Variants in TBC1D24 observed in about 807,000 individuals in gnomAD.
TBC1D24 encodes the protein Infantile myoclonic epilepsy.
In TBC1D24, 47 loss-of-function variants were observed where a neutral mutation model predicts 50.7. That is an observed-to-expected ratio of 0.93 (90% CI 0.73 to 1.18). The LOEUF is 1.18. TBC1D24 is among the 50% of genes most tolerant of loss of function. The pLI is 0.00. For synonymous variants in TBC1D24, 324 were observed against 335.2 expected (o/e 0.97, Z 0.36); for missense variants, 688 against 766.5 (o/e 0.90, Z 1.21).
At position 2,497,734 on chromosome 16, in the gene TBC1D24, C is replaced by T. The variant is rs778459711; in HGVS notation, c.983+7C>T. 15 of 1,535,968 alleles carry T rather than the reference C, an allele frequency of 9.8e-6. No homozygotes were observed. The Admixed American group carries it at 2.7e-4, about 28-fold the overall frequency. ...GTGTGTCACTTTCTAAAAGGTAGGT[C>T]TGAAACTGTATCTGCACACCTGGCC... On this transcript the variant is annotated splice_region_variant and intron_variant, in intron 3 of 7. Transcript: ENST00000646147.
Position 2,497,080 on chromosome 16 carries a change from T to G in TBC1D24, c.932T>G (p.Leu311Arg). ...CTGCAGATGGCCAATGAGAAAGCCC[T>G]GAAGCAGAAGGGCATCACCGTGAAG... ...QLLQMANEKA[L>R]KQKGITVKQK... is the part of the protein sequence containing the mutation. The change falls in exon 2 of 8, where the codon CTG becomes CGG. Residue 311 changes from leucine (L) to arginine (R), a missense_variant. Coordinates refer to ENST00000646147, the MANE Select transcript of TBC1D24 (RefSeq NM_001199107.2). 6.2e-7 allele frequency: 1 copy of G among 1,608,796 alleles called. No individual in the cohort carries two copies. Among genetic ancestry groups the G allele is most frequent in the Admixed American group, 1.7e-5 (1 of 60,020 alleles).
chr16:2,501,016 G>A lies in TBC1D24; in HGVS notation c.*58G>A, dbSNP rs540798537. 99 of 1,594,578 alleles carry A rather than the reference G, an allele frequency of 6.2e-5. No individual in the cohort carries two copies. The South Asian group carries it at 8.4e-4, about 14-fold the overall frequency. ...GGCGGTGGGCCGAGGCTGGGCTGCC[G>A]CCTCGGGCAGCAGAGAGCAGATGAA... On this transcript the variant is annotated 3_prime_UTR_variant, in exon 8 of 8. Transcript: ENST00000646147.
chr16:2,501,074 CAGGA>C lies in TBC1D24; in HGVS notation c.*117_*120del. The C allele has an allele frequency of 1.4e-6, 2 of 1,394,960 alleles. No individual in the cohort carries two copies. The highest frequency in any genetic ancestry group is 2.0e-6 in the Non-Finnish European group (2 of 1,022,848). The allele number at this position is 1,394,960 out of a possible 1,614,324, so 86.4% of individuals were successfully genotyped here. ...TGTGGTAGGCAGGGTTGGGGGACGG[CAGGA>C]CCCCATGGCCAAGCCTGGCGTTGCC... On this transcript the variant is annotated 3_prime_UTR_variant, in exon 8 of 8. Transcript: ENST00000646147.
rs372876116 is a variant in TBC1D24, at chr16:2,499,817, C to T, written c.1207-18C>T. The T allele has an allele frequency of 3.7e-6, 6 of 1,610,858 alleles. No individual in the cohort carries two copies. Among genetic ancestry groups the T allele is most frequent in the South Asian group, 1.1e-5 (1 of 91,036 alleles). Reference sequence around the variant, plus strand: ...CTGGGGGCCTGCGGGCACAGCCTCACCCAGACCTTTCCCCCAGGTGTGTGG... The same window carrying T: ...CTGGGGGCCTGCGGGCACAGCCTCATCCAGACCTTTCCCCCAGGTGTGTGG... On this transcript the variant is annotated intron_variant, in intron 5 of 7. Coordinates refer to ENST00000646147, the MANE Select transcript of TBC1D24 (RefSeq NM_001199107.2). The surrounding 1 kb of genome is among the most constrained non-coding windows in gnomAD (Gnocchi z 4.0).
chr16:2,497,225 C>T lies in TBC1D24; in HGVS notation c.965+112C>T, dbSNP rs972547020. ...CCAGGCGGCCTCTGCCCATGGTCCA[C>T]CCAGCCATCTGTGCATGGCTGAAAA... On this transcript the variant is annotated intron_variant, in intron 2 of 7. Transcript: ENST00000646147. 2.5e-5 allele frequency: 35 copies of T among 1,412,194 alleles called. No individual in the cohort carries two copies. In the South Asian group the frequency reaches 3.2e-4, roughly 13 times the overall value. 87.5% of individuals were successfully genotyped at this position (1,412,194 alleles called of 1,614,324 possible). A position where few individuals can be genotyped will look rare whatever the true frequency, so the allele number is the denominator to read the frequency against.
intron 1 of TBC1D24, among the ~76,000 whole-genome samples, chr16:2,495,427 C>T (rs1198462542): frequency 6.6e-6 from 1 of 152,178 alleles, no homozygotes; most frequent in East Asian, 1.9e-4. Flanking sequence ...AGGAGGATTG[C>T]TTGAGCCCAG....
intron 1 of TBC1D24, among the ~76,000 whole-genome samples, chr16:2,488,100 G>T (rs2141861114): frequency 6.6e-6 from 1 of 152,314 alleles, no homozygotes; most frequent in Non-Finnish European, 1.5e-5. Flanking sequence ...CTAGAAATTA[G>T]CTCAGGGTGC....
chr16:2,492,201 G>A (rs527607565), intron 1 of TBC1D24, among the ~76,000 whole-genome samples: 8 of 152,210 alleles, frequency 5.3e-5, no homozygotes, highest in African/African-American at 9.6e-5. Flanking sequence ...CCCCAGAAAT[G>A]TCGTGCGCTC....
chr16:2,499,138 A>G lies in TBC1D24; in HGVS notation c.1143-219A>G, dbSNP rs1352060956. On this transcript the variant is annotated intron_variant, in intron 4 of 7. Transcript: ENST00000646147. This position sits in a 1 kb window ranked among gnomAD's most constrained non-coding sequence, Gnocchi z 4.0. ...GCTCTGCACTGGGGCCTTCCACTGC[A>G]AGGCCTCTCCCCTGAGTCACACCAG... Among the ~76,000 whole-genome samples, 2 of 152,142 alleles carry G rather than the reference A, an allele frequency of 1.3e-5. No individual in the cohort carries two copies. The highest frequency in any genetic ancestry group is 1.3e-4 in the Admixed American group (2 of 15,282).
chr16:2,476,308 G>A (rs1482703439), intron 1 of TBC1D24, among the ~76,000 whole-genome samples: 1 of 152,108 alleles, frequency 6.6e-6, no homozygotes, highest in Non-Finnish European at 1.5e-5. Context: ...CGAGGGCCAG[G>A]GCTCTGTCTT....
At position 2,503,850 on chromosome 16, in the gene TBC1D24, G is replaced by C. The variant is rs192150127; in HGVS notation, c.*2892G>C. 4 of 152,004 alleles carry C rather than the reference G, an allele frequency of 2.6e-5. No homozygotes were observed. Among genetic ancestry groups the C allele is most frequent in the African/African-American group, 4.8e-5 (2 of 41,366 alleles). 9.4% of individuals were successfully genotyped at this position (152,004 alleles called of 1,614,324 possible). On this transcript the variant is annotated 3_prime_UTR_variant, in exon 8 of 8. Coordinates refer to ENST00000646147, the MANE Select transcript of TBC1D24 (RefSeq NM_001199107.2). Reference sequence around the variant, plus strand: ...GCTGGGATTACAGGCGTGAGCCACCGCGCCTAGCCTATTTTTTAATTTTTT... The same window carrying C: ...GCTGGGATTACAGGCGTGAGCCACCCCGCCTAGCCTATTTTTTAATTTTTT...
chr16:2,495,646 G>T (rs1326198505), intron 1 of TBC1D24, among the ~76,000 whole-genome samples: 3 of 152,182 alleles, frequency 2.0e-5, no homozygotes, highest in African/African-American at 7.2e-5. Context: ...AGGCATGGTG[G>T]TGCATGCCTT....
chr16:2,499,872 G>A lies in TBC1D24; in HGVS notation c.1244G>A (p.Arg415Lys). The part of the protein sequence containing the change: ...GAYLSTDWSE[R>K]NKFGGKLGFF... Reference sequence around the variant, plus strand: ...TACCTGTCCACAGACTGGAGTGAGAGAAATAAGTTTGGAGGCAAACTGGGC... The same window carrying A: ...TACCTGTCCACAGACTGGAGTGAGAAAAATAAGTTTGGAGGCAAACTGGGC... Residue 415 changes from arginine (R) to lysine (K), a missense_variant, in exon 6 of 8, where the codon AGA becomes AAA. Coordinates refer to ENST00000646147, the MANE Select transcript of TBC1D24 (RefSeq NM_001199107.2). The surrounding 1 kb of genome is among the most constrained non-coding windows in gnomAD (Gnocchi z 4.0). 6.2e-7 allele frequency: 1 copy of A among 1,614,134 alleles called. No homozygotes were observed. The highest frequency in any genetic ancestry group is 8.5e-7 in the Non-Finnish European group (1 of 1,179,992).
chr16:2,492,710 C>T (rs1456254937), intron 1 of TBC1D24, among the ~76,000 whole-genome samples: 2 of 152,218 alleles, frequency 1.3e-5, no homozygotes, highest in African/African-American at 4.8e-5. Context: ...TCACTGCCTT[C>T]CCTCCCAGGA....
At position 2,482,623 on chromosome 16, in the gene TBC1D24, G is replaced by A. The variant is rs530385172; in HGVS notation, c.-116+7453G>A. ...GGGTTTCGGGTGGAGAACGGTGACC[G>A]GGTGAAGCCCTGAGTGGGCAGGAGG... is the stretch of plus-strand genomic sequence containing the variant. On this transcript the variant is annotated intron_variant, in intron 1 of 7. Transcript: ENST00000646147. This position sits in a 1 kb window ranked among gnomAD's most constrained non-coding sequence, Gnocchi z 5.2. 1.6e-4 allele frequency among the ~76,000 whole-genome samples: 24 copies of A among 152,320 alleles called. No homozygotes were observed. The highest frequency in any genetic ancestry group is 5.3e-4 in the African/African-American group (22 of 41,560).
At position 2,496,681 on chromosome 16, in the gene TBC1D24, C is replaced by G. The variant is rs483352866; in HGVS notation, c.533C>G (p.Ser178Trp). ...GACCAGAGCTTCCTGGCCTTTGAGT[C>G]GTCCTGCATGACGTTTGGGGACCTG... The part of the protein sequence containing the change: ...LIDQSFLAFE[S>W]SCMTFGDLVN... The change falls in exon 2 of 8, where the codon TCG (serine) becomes TGG (tryptophan). Residue 178 changes from serine (S) to tryptophan (W), a missense_variant. Transcript: ENST00000646147. 6.2e-7 allele frequency: 1 copy of G among 1,613,298 alleles called. No homozygotes were observed.
Position 2,496,475 on chromosome 16 carries a change from C to T in TBC1D24, c.327C>T (p.Arg109=), listed in dbSNP as rs754551693. The change falls in exon 2 of 8, where the codon CGC becomes CGT. Residue 109 remains arginine (R), a synonymous_variant. Transcript: ENST00000646147. ...TGCCCAGCTACTGCCTGAATGCACG[C>T]GGCGAGGGGGCCGTGCGCAAGATCC... ...TQVPSYCLNA[R]GEGAVRKILL... is the part of the protein sequence containing the mutation. 11 of 1,611,002 alleles carry T rather than the reference C, an allele frequency of 6.8e-6. No individual in the cohort carries two copies. Among genetic ancestry groups the T allele is most frequent in the Middle Eastern group, 1.6e-4 (1 of 6,084 alleles).
At chr16:2,476,468 G>C (rs1209368153) in intron 1 of TBC1D24, 3 of 152,276 alleles carry the variant, frequency 2.0e-5, no homozygotes, top group Non-Finnish European at 4.4e-5. Flanking sequence ...TACAGTTACT[G>C]TTCCTAGCCT....
At chr16:2,476,092 A>G (rs1339905378) in intron 1 of TBC1D24, among the ~76,000 whole-genome samples, 1 of 152,198 alleles carries the variant, frequency 6.6e-6, no homozygotes, top group Non-Finnish European at 1.5e-5. Flanking sequence ...CAGTGCCGAT[A>G]GAAGCACTAG....
Sources: allele counts gnomAD v4.1 joint callset (sites outside exome capture counted in the v4.1 genomes callset), GRCh38; gene constraint gnomAD v4.1.1; non-coding constraint Gnocchi (gnomAD v3.1); transcripts MANE v1.5; gene names NCBI Gene and HGNC (gene_info 2026-07-23, HGNC 2026-07-21).